Variants in CDC45 observed in about 807,000 individuals in gnomAD.
CDC45 encodes the protein cell division control protein 45 homolog.
A neutral mutation model predicts 77.8 loss-of-function variants in CDC45; 54 were observed. The ratio of observed to expected loss-of-function variants is 0.69; its 90% confidence interval spans 0.56 to 0.87. CDC45 has a LOEUF of 0.87. Ranked by LOEUF, CDC45 falls within the 40% of genes least tolerant of loss-of-function variation. The pLI, the probability that CDC45 is intolerant of heterozygous loss-of-function variation, is 0.00. For missense variants in CDC45, 649 were observed against 721.6 expected, an observed-to-expected ratio of 0.90 and a Z score of 1.15; for synonymous variants, 260 against 272.1, an observed-to-expected ratio of 0.96 and a Z score of 0.44.
At chr22:19,494,089 C>T (rs1053205368) in intron 5 of CDC45, among the ~76,000 whole-genome samples, 3 of 152,066 alleles carry the variant, frequency 2.0e-5, no homozygotes, top group Non-Finnish European at 4.4e-5. Context: ...CTTGGGAAGC[C>T]CCTACTCTTT....
At chr22:19,501,879 T>C (rs1391689151) in intron 9 of CDC45, among the ~76,000 whole-genome samples, 1 of 152,150 alleles carries the variant, frequency 6.6e-6, no homozygotes, top group Non-Finnish European at 1.5e-5. Flanking sequence ...CATGCCTGGC[T>C]AATTTTTTTG....
chr22:19,484,117 A>G, intron 5 of CDC45, 112 bp downstream of exon 5: 1 of 1,035,612 alleles, frequency 9.7e-7, no homozygotes. Context: ...GAAGTGGAAA[A>G]GTTAGCAGGC....
intron 4 of CDC45, 75 bp from the exon 5 acceptor site, chr22:19,483,787 A>G: frequency 1.5e-6 from 2 of 1,371,052 alleles, no homozygotes; most frequent in South Asian, 2.5e-5. Flanking sequence ...AAATGATAAG[A>G]TTCTGCAGAA....
At chr22:19,512,575 C>T (rs1304946214) in intron 13 of CDC45, among the ~76,000 whole-genome samples, 2 of 150,892 alleles carry the variant, frequency 1.3e-5, no homozygotes, top group Non-Finnish European at 2.9e-5. Context: ...TGCCATCATC[C>T]CAGCATTGAT....
upstream of CDC45, chr22:19,479,863 G>T: frequency 2.7e-6 from 3 of 1,104,558 alleles, no homozygotes; most frequent in Non-Finnish European, 4.2e-6. Context: ...GCTATTGGTT[G>T]GTGATCCCTG....
chr22:19,479,612 C>A, upstream of CDC45: 1 of 625,760 alleles, frequency 1.6e-6, no homozygotes, highest in Non-Finnish European at 3.1e-6. Flanking sequence ...AGTATACTTT[C>A]CCTGAGGGTT....
intron 13 of CDC45, among the ~76,000 whole-genome samples, chr22:19,514,129 TA>T (rs973432892): frequency 1.8e-4 from 28 of 152,376 alleles, no homozygotes; most frequent in African/African-American, 6.7e-4. Context: ...TCTTCAGGGT[TA>T]TTTTTTTAGG....
intron 3 of CDC45, among the ~76,000 whole-genome samples, chr22:19,482,353 C>G (rs768065138): frequency 1.3e-5 from 2 of 152,236 alleles, no homozygotes; most frequent in Admixed American, 1.3e-4. Context: ...TGGAGAGGCA[C>G]GCAGCATAGT....
chr22:19,499,488 G>A lies in CDC45; in HGVS notation c.704+337G>A, dbSNP rs962315115. On this transcript the variant is annotated intron_variant, in intron 9 of 18. Coordinates refer to ENST00000263201, the MANE Select transcript of CDC45 (RefSeq NM_003504.5). ...CCTTGCAGTAGGTGGGGGGATGGGG[G>A]AAGACAACACAGGAGCAGGTTGGGG... 2.6e-4 allele frequency among the ~76,000 whole-genome samples: 40 copies of A among 152,074 alleles called. 1 individual carries two copies. Among genetic ancestry groups the A allele is most frequent in the African/African-American group, 8.5e-4 (35 of 41,402 alleles).
At position 19,514,883 on chromosome 22, in the gene CDC45, T is replaced by C; in HGVS notation, c.1352T>C (p.Met451Thr). Residue 451 changes from methionine to threonine, a missense_variant, in exon 14 of 19, where the codon ATG becomes ACG. Transcript: ENST00000263201. The stretch of plus-strand genomic sequence containing the variant: ...GGGCCTTTCCTGTACTGCTCTCTCA[T>C]GGAGGTCAGGCTTCCCACAGAGCAC... Reference protein sequence around the residue: ...SQGPFLYCSLMEGTPDVMLFS... With the variant: ...SQGPFLYCSLTEGTPDVMLFS... 6.2e-6 allele frequency: 10 copies of C among 1,614,208 alleles called. No homozygotes were observed. The highest frequency in any genetic ancestry group is 8.5e-6 in the Non-Finnish European group (10 of 1,180,038).
chr22:19,508,780 T>A, intron 13 of CDC45, 89 bp downstream of exon 13: 1 of 1,261,966 alleles, frequency 7.9e-7, no homozygotes, highest in Non-Finnish European at 1.1e-6. Context: ...CCCAGGGCTG[T>A]GGGAGTGACT....
At chr22:19,516,924 T>C in intron 17 of CDC45, 31 bp downstream of exon 17, 1 of 1,579,264 alleles carries the variant, frequency 6.3e-7, no homozygotes, top group South Asian at 1.1e-5. Context: ...TGCCACACTT[T>C]CCCACCTGAC....
intron 7 of CDC45, among the ~76,000 whole-genome samples, chr22:19,496,580 A>G (rs1016944581): frequency 6.6e-6 from 1 of 152,204 alleles, no homozygotes; most frequent in African/African-American, 2.4e-5. Context: ...TCAAGGTTCC[A>G]TTGTCCTTTG....
intron 5 of CDC45, among the ~76,000 whole-genome samples, chr22:19,485,025 G>A (rs1262679436): frequency 1.3e-5 from 2 of 151,940 alleles, no homozygotes; most frequent in African/African-American, 2.4e-5. Context: ...TCCCACTTCA[G>A]CCTCCCAAGT....
chr22:19,479,920 G>A lies in CDC45; in HGVS notation c.-49G>A, dbSNP rs1317700299. ...TTTGGCGGGAGTCTTGACCGCCGCCGGGCTCTTGGTACCTCAGCGCGAGCG... is the reference window on the plus strand; with the variant it reads ...TTTGGCGGGAGTCTTGACCGCCGCCAGGCTCTTGGTACCTCAGCGCGAGCG... On this transcript the variant is annotated 5_prime_UTR_variant, in exon 1 of 19. Transcript: ENST00000263201. The A allele has an allele frequency of 1.9e-6, 3 of 1,606,702 alleles. No homozygotes were observed. Among genetic ancestry groups the A allele is most frequent in the African/African-American group, 1.3e-5 (1 of 74,802 alleles).
chr22:19,507,546 C>G (rs767749660), intron 11 of CDC45, 29 bp downstream of exon 11: 43 of 1,612,020 alleles, frequency 2.7e-5, no homozygotes, highest in Non-Finnish European at 3.6e-5. Flanking sequence ...CTCTGCAGTG[C>G]CAGCCCTGGC....
At position 19,479,962 on chromosome 22, in the gene CDC45, C is replaced by G. The variant is rs535099250; in HGVS notation, c.-7C>G. 11 of 1,613,194 alleles carry G rather than the reference C, an allele frequency of 6.8e-6. No individual in the cohort carries two copies. Among genetic ancestry groups the G allele is most frequent in the South Asian group, 1.1e-5 (1 of 91,074 alleles). ...GCGCGAGCGCCAGGCGTCCGGCCGC[C>G]GTGGCTATGTTCGTGTCCGATTTCC... On this transcript the variant is annotated 5_prime_UTR_variant, in exon 1 of 19. Coordinates refer to ENST00000263201, the MANE Select transcript of CDC45 (RefSeq NM_003504.5).
chr22:19,488,035 C>G (rs1220004993), intron 5 of CDC45, among the ~76,000 whole-genome samples: 2 of 152,028 alleles, frequency 1.3e-5, no homozygotes, highest in Non-Finnish European at 2.9e-5. Flanking sequence ...AGATGAGAGT[C>G]CGCTATAAAA....
At chr22:19,499,669 G>T (rs9606038) in intron 9 of CDC45, among the ~76,000 whole-genome samples, 16 of 152,108 alleles carry the variant, frequency 1.1e-4, no homozygotes, top group Non-Finnish European at 1.5e-5. Flanking sequence ...ATAGACTGAC[G>T]GTGAGCTGCA....
Sources: gnomAD v4.1 joint callset for allele counts (sites outside exome capture counted in the v4.1 genomes callset) on GRCh38, gnomAD v4.1.1 for gene constraint, MANE v1.5 for transcripts, NCBI Gene and HGNC (gene_info 2026-07-23, HGNC 2026-07-21) for gene names.